TOPBP1: variants seen among roughly 807,000 people sequenced by gnomAD.
TOPBP1 encodes the protein DNA topoisomerase II binding protein 1.
A neutral mutation model predicts 167.7 loss-of-function variants in TOPBP1; 28 were observed. The observed-to-expected ratio is 0.17, with a 90% CI of 0.12 to 0.23. TOPBP1 has a LOEUF of 0.23. Among genes scored for constraint, TOPBP1 ranks in the 10% least tolerant of loss-of-function variants. TOPBP1 has a pLI of 1.00. For missense variants in TOPBP1, 1,554 were observed against 1,809.6 expected (o/e 0.86, Z 2.56); for synonymous variants, 598 against 611.4 (o/e 0.98, Z 0.32).
intron 1 of TOPBP1, among the ~76,000 whole-genome samples, chr3:133,661,405 C>T (rs1488251550): frequency 2.0e-5 from 3 of 152,238 alleles, no homozygotes; most frequent in Non-Finnish European, 4.4e-5. Context: ...GCTCTAAGCC[C>T]TTTAGGCCAA....
At position 133,616,825 on chromosome 3, in the gene TOPBP1, A is replaced by G; in HGVS notation, c.3860T>C (p.Ile1287Thr). Reference protein sequence around the residue: ...PQERIDYCHLIEKLGGLVIEK... With the variant: ...PQERIDYCHLTEKLGGLVIEK... Reference sequence around the variant, plus strand: ...TAAAATACTGGTACCTAGTTTCTCAATCAGATGACAATAGTCAATACGTTC... The same window carrying G: ...TAAAATACTGGTACCTAGTTTCTCAGTCAGATGACAATAGTCAATACGTTC... Residue 1287 changes from isoleucine (I) to threonine (T), a missense_variant, in exon 23 of 28, where the codon ATT (isoleucine) becomes ACT (threonine). Ile to Thr is a moderately conservative substitution (Grantham distance 89). Around this residue, in one of 3 missense-constraint regions of TOPBP1, gnomAD observed 351 missense variants for 432.9 expected, o/e 0.81. Coordinates refer to ENST00000260810, the MANE Select transcript of TOPBP1 (RefSeq NM_007027.4). 6.6e-7 allele frequency: 1 copy of G among 1,517,656 alleles called. No homozygotes were observed. Among genetic ancestry groups the G allele is most frequent in the Non-Finnish European group, 8.8e-7 (1 of 1,137,970 alleles). 94.0% of individuals were successfully genotyped at this position (1,517,656 alleles called of 1,614,324 possible).
chr3:133,628,045 T>C (rs1400183054), intron 16 of TOPBP1: 1 of 246,140 alleles, frequency 4.1e-6, no homozygotes, highest in East Asian at 9.1e-5. Flanking sequence ...CTAAACTCCT[T>C]GAACACAGGG....
Position 133,638,273 on chromosome 3 carries a change from C to T in TOPBP1, c.2234-111G>A, listed in dbSNP as rs1484090506. The T allele has an allele frequency of 2.8e-6, 3 of 1,056,832 alleles. No individual in the cohort carries two copies. The African/African-American group carries it at 4.8e-5, about 17-fold the overall frequency. The allele number at this position is 1,056,832 out of a possible 1,614,324, so 65.5% of individuals were successfully genotyped here. A position where few individuals can be genotyped will look rare whatever the true frequency, so the allele number is the denominator to read the frequency against. On this transcript the variant is annotated intron_variant, in intron 13 of 27. Coordinates refer to ENST00000260810, the MANE Select transcript of TOPBP1 (RefSeq NM_007027.4). ...TTTCTTTCCTTTCTTTCTTGCATAA[C>T]TCCTGGGCTCAAGAGATCCATCTAC...
chr3:133,602,100 G>T (rs1056591333), intron 27 of TOPBP1, among the ~76,000 whole-genome samples: 1 of 152,142 alleles, frequency 6.6e-6, no homozygotes, highest in Non-Finnish European at 1.5e-5. Flanking sequence ...ATAGAACCTA[G>T]AGTTTCTTTT....
chr3:133,643,485 A>T, intron 11 of TOPBP1, 113 bp from the exon 12 acceptor site: 1 of 853,800 alleles, frequency 1.2e-6, no homozygotes, highest in South Asian at 2.1e-5. Flanking sequence ...ATTTTACTTT[A>T]ATACAAACTT....
At chr3:133,607,626 T>C (rs573159192) in intron 27 of TOPBP1, among the ~76,000 whole-genome samples, 9 of 152,108 alleles carry the variant, frequency 5.9e-5, no homozygotes, top group Non-Finnish European at 1.2e-4. Flanking sequence ...GGGAAGTGCT[T>C]ATTGGAACAT....
At chr3:133,612,983 G>A (rs1479033944) in intron 23 of TOPBP1, among the ~76,000 whole-genome samples, 3 of 151,772 alleles carry the variant, frequency 2.0e-5, no homozygotes, top group African/African-American at 7.3e-5. Context: ...CCTCAGCCTC[G>A]CAAGTAGCTG....
chr3:133,618,070 G>A (rs758688875), intron 21 of TOPBP1, 143 bp downstream of exon 21: 4 of 679,684 alleles, frequency 5.9e-6, no homozygotes, highest in Non-Finnish European at 9.8e-6. Flanking sequence ...TCTGGCTCAA[G>A]TTTAAACCAA....
intron 9 of TOPBP1, 59 bp from the exon 10 acceptor site, chr3:133,649,692 T>C: frequency 6.3e-7 from 1 of 1,595,208 alleles, no homozygotes; most frequent in Non-Finnish European, 8.5e-7. Context: ...TCATCCCACT[T>C]GTCATGCAGT....
chr3:133,647,100 G>A (rs1936100623), intron 10 of TOPBP1, among the ~76,000 whole-genome samples: 1 of 152,152 alleles, frequency 6.6e-6, no homozygotes, highest in South Asian at 2.1e-4. Flanking sequence ...CAGAACCCAT[G>A]AAGAGACATA....
intron 27 of TOPBP1, among the ~76,000 whole-genome samples, chr3:133,603,116 G>A (rs56040719): frequency 0.14 from 21,038 of 151,924 alleles, 1,821 homozygotes; most frequent in Non-Finnish European, 0.2. Context: ...GGCTGGTCTC[G>A]AAATCCTGAC....
chr3:133,626,756 T>C (rs1176145877), intron 16 of TOPBP1, among the ~76,000 whole-genome samples: 1 of 152,196 alleles, frequency 6.6e-6, no homozygotes. Context: ...ACATATATCT[T>C]TTCTATATTA....
intron 7 of TOPBP1, among the ~76,000 whole-genome samples, chr3:133,652,995 A>G (rs1936353961): frequency 6.6e-6 from 1 of 152,228 alleles, no homozygotes; most frequent in South Asian, 2.1e-4. Flanking sequence ...AATACAGATG[A>G]TCTATAACTG....
chr3:133,620,313 A>G lies in TOPBP1; in HGVS notation c.3213T>C (p.Phe1071=). 1 of 1,613,946 alleles carries G rather than the reference A, an allele frequency of 6.2e-7. No homozygotes were observed. Among genetic ancestry groups the G allele is most frequent in the Non-Finnish European group, 8.5e-7 (1 of 1,179,878 alleles). The change falls in exon 20 of 28, where the codon TTT becomes TTC. Residue 1071 remains phenylalanine, a synonymous_variant. Coordinates refer to ENST00000260810, the MANE Select transcript of TOPBP1 (RefSeq NM_007027.4). ...LTQTLEMREN[F]QKQLQEIMSA... is the part of the protein sequence containing the mutation. ...ACATTATCTCCTGTAACTGCTTCTG[A>G]AAGTTCTCTCTCATCTCTAAGGTCT... is the stretch of plus-strand genomic sequence containing the variant.
intron 10 of TOPBP1, among the ~76,000 whole-genome samples, chr3:133,647,991 T>C (rs1165953479): frequency 2.6e-5 from 4 of 151,920 alleles, no homozygotes; most frequent in African/African-American, 9.7e-5. Context: ...AAGCAAAAAA[T>C]CTACTAATTC....
At chr3:133,655,684 C>T (rs1936457179) in intron 5 of TOPBP1, among the ~76,000 whole-genome samples, 198 bp from the exon 6 acceptor site, 2 of 152,222 alleles carry the variant, frequency 1.3e-5, no homozygotes, top group African/African-American at 4.8e-5. Flanking sequence ...GTAATTGTTT[C>T]AGATACAGTC....
At chr3:133,617,448 G>C (rs1392642155) in intron 21 of TOPBP1, 122 bp from the exon 22 acceptor site, 1 of 1,142,352 alleles carries the variant, frequency 8.8e-7, no homozygotes, top group South Asian at 2.3e-5. Context: ...AATGTAAAAA[G>C]TACAGGCAAA....
At chr3:133,621,663 G>A (rs1935092115) in intron 19 of TOPBP1, among the ~76,000 whole-genome samples, 1 of 152,130 alleles carries the variant, frequency 6.6e-6, no homozygotes, top group Non-Finnish European at 1.5e-5. Flanking sequence ...GATACCAAGG[G>A]ACAAGACAAC....
At chr3:133,630,070 G>A (rs1257731710) in intron 14 of TOPBP1, among the ~76,000 whole-genome samples, 2 of 152,068 alleles carry the variant, frequency 1.3e-5, no homozygotes, top group Non-Finnish European at 2.9e-5. Flanking sequence ...ACAGGCGTGA[G>A]CCACCGCGCC....
Sources: gnomAD v4.1 joint callset for allele counts (sites outside exome capture counted in the v4.1 genomes callset) on GRCh38, gnomAD v4.1.1 for gene constraint, gnomAD v4.1.1 regional missense constraint, MANE v1.5 for transcripts, NCBI Gene and HGNC (gene_info 2026-07-23, HGNC 2026-07-21) for gene names.